CNTNAP2: variants seen among roughly 807,000 people sequenced by gnomAD.
CNTNAP2 encodes the protein contactin associated protein 2.
Under a neutral mutation model 155.2 loss-of-function variants are expected in CNTNAP2, and 98 were observed. The ratio of observed to expected loss-of-function variants is 0.63; its 90% confidence interval spans 0.54 to 0.75. The LOEUF (loss-of-function observed/expected upper bound fraction) is 0.75. Among genes scored for constraint, CNTNAP2 ranks in the 30% least tolerant of loss-of-function variants. The pLI is 0.00. For missense variants in CNTNAP2, 1,727 were observed against 1,688.1 expected, an observed-to-expected ratio of 1.02 and a Z score of -0.40; for synonymous variants, 651 against 631.2, an observed-to-expected ratio of 1.03 and a Z score of -0.47.
In CNTNAP2 at chr7:146,605,086, A is replaced by AT. The variant is rs1563153541; in HGVS notation, c.98-169185_98-169184insT. On this transcript the variant is annotated intron_variant, in intron 1 of 23. Transcript: ENST00000361727. ...ACTTAAAGTATAATAAAAAAAAACA[A>AT]CAAAAAAAAAAAGAAAAAAAAATAC... 3.5e-3 allele frequency among the ~76,000 whole-genome samples: 431 copies of AT among 122,498 alleles called. 14 individuals are homozygous for AT. The highest frequency in any genetic ancestry group is 4.2e-3 in the Non-Finnish European group (256 of 60,428). 80.4% of individuals were successfully genotyped at this position (122,498 alleles called of 152,430 possible).
At chr7:147,633,376 G>C (rs1394271055) in intron 12 of CNTNAP2, among the ~76,000 whole-genome samples, 1 of 152,198 alleles carries the variant, frequency 6.6e-6, no homozygotes, top group African/African-American at 2.4e-5. Context: ...AGCTCTCATA[G>C]AGATCCTCTG....
intron 13 of CNTNAP2, among the ~76,000 whole-genome samples, chr7:147,829,467 A>G (rs530504211): frequency 2.0e-5 from 3 of 152,328 alleles, no homozygotes; most frequent in East Asian, 3.9e-4. Context: ...TGATCATAAT[A>G]GCTCTCCATA....
At chr7:147,590,026 T>A (rs1435591273) in intron 12 of CNTNAP2, among the ~76,000 whole-genome samples, 1 of 152,176 alleles carries the variant, frequency 6.6e-6, no homozygotes, top group African/African-American at 2.4e-5. Flanking sequence ...ACTCTGTCAT[T>A]GTAGGTAAAA....
chr7:147,578,106 A>C (rs1484760692), intron 12 of CNTNAP2, among the ~76,000 whole-genome samples: 1 of 152,112 alleles, frequency 6.6e-6, no homozygotes. Context: ...AGAAAGTTTC[A>C]TAGATGCTGC....
chr7:146,299,069 C>T (rs1274071180), intron 1 of CNTNAP2, among the ~76,000 whole-genome samples: 5 of 151,492 alleles, frequency 3.3e-5, no homozygotes, highest in East Asian at 2.0e-4. Context: ...GTCAGGAGCT[C>T]GAGACCAGCC....
intron 3 of CNTNAP2, among the ~76,000 whole-genome samples, chr7:146,927,865 A>G (rs1796639195): frequency 6.6e-6 from 1 of 151,708 alleles, no homozygotes; most frequent in Non-Finnish European, 1.5e-5. Flanking sequence ...GGACATATCT[A>G]TATCTCTTTA....
intron 1 of CNTNAP2, among the ~76,000 whole-genome samples, chr7:146,128,173 T>C (rs1797664007): frequency 6.6e-6 from 1 of 152,182 alleles, no homozygotes; most frequent in African/African-American, 2.4e-5. Context: ...GAGCCTGTAT[T>C]TTTTCCCTTA....
At chr7:147,000,490 C>T (rs1282875987) in intron 3 of CNTNAP2, among the ~76,000 whole-genome samples, 1 of 152,038 alleles carries the variant, frequency 6.6e-6, no homozygotes, top group Non-Finnish European at 1.5e-5. Flanking sequence ...GAAGTAGATA[C>T]TTATTCCAGT....
chr7:148,293,908 T>C (rs1179566033), intron 21 of CNTNAP2, among the ~76,000 whole-genome samples: 1 of 151,516 alleles, frequency 6.6e-6, no homozygotes, highest in East Asian at 1.9e-4. Flanking sequence ...GGTGGCGCAT[T>C]ACTATAATCG....
At chr7:147,762,844 T>C (rs1187711431) in intron 13 of CNTNAP2, among the ~76,000 whole-genome samples, 1 of 151,742 alleles carries the variant, frequency 6.6e-6, no homozygotes, top group African/African-American at 2.4e-5. Flanking sequence ...GCCTCTTGAA[T>C]TTTTCTAGTC....
chr7:147,461,325 G>GA (rs1187512076), intron 10 of CNTNAP2, among the ~76,000 whole-genome samples: 2 of 151,710 alleles, frequency 1.3e-5, no homozygotes, highest in African/African-American at 4.8e-5. Flanking sequence ...GAAATGCTGA[G>GA]AAAAAAAATG....
intron 1 of CNTNAP2, among the ~76,000 whole-genome samples, chr7:146,756,346 A>C (rs192273401): frequency 6.6e-6 from 1 of 152,120 alleles, no homozygotes; most frequent in Non-Finnish European, 1.5e-5. Flanking sequence ...GTGTCATTTC[A>C]TTGAACTCTC....
chr7:146,711,098 C>T (rs1479417610), intron 1 of CNTNAP2, among the ~76,000 whole-genome samples: 1 of 151,334 alleles, frequency 6.6e-6, no homozygotes, highest in African/African-American at 2.4e-5. Context: ...CATTTTTCTC[C>T]TGTATATGCA....
chr7:147,650,211 GA>G (rs1334021194), intron 13 of CNTNAP2, among the ~76,000 whole-genome samples: 1 of 151,944 alleles, frequency 6.6e-6, no homozygotes, highest in Non-Finnish European at 1.5e-5. Flanking sequence ...ACAAGATACT[GA>G]AAAAAAGCAT....
At chr7:146,170,398 A>G (rs773817746) in intron 1 of CNTNAP2, among the ~76,000 whole-genome samples, 1 of 152,106 alleles carries the variant, frequency 6.6e-6, no homozygotes, top group Non-Finnish European at 1.5e-5. Context: ...ATTCCAACCG[A>G]AGGGCACAAG....
At chr7:147,474,071 C>A (rs922002941) in intron 10 of CNTNAP2, among the ~76,000 whole-genome samples, 1 of 151,362 alleles carries the variant, frequency 6.6e-6, no homozygotes, top group African/African-American at 2.4e-5. Context: ...AAGTACGAAA[C>A]TCCGTCTCTA....
chr7:147,000,857 G>T (rs1317606733), intron 3 of CNTNAP2, among the ~76,000 whole-genome samples: 1 of 152,144 alleles, frequency 6.6e-6, no homozygotes, highest in Non-Finnish European at 1.5e-5. Context: ...GGCTGCTATA[G>T]TTGGCCAGTA....
At chr7:146,821,108 C>G (rs1270216599) in intron 2 of CNTNAP2, among the ~76,000 whole-genome samples, 2 of 152,172 alleles carry the variant, frequency 1.3e-5, no homozygotes, top group Non-Finnish European at 2.9e-5. Flanking sequence ...TGGGTCTTGA[C>G]TCTTTATCCA....
At chr7:147,849,525 C>G (rs12532478) in intron 13 of CNTNAP2, among the ~76,000 whole-genome samples, 6,731 of 152,270 alleles carry the variant, frequency 0.044, 271 homozygotes, top group Admixed American at 0.12. Flanking sequence ...AATACCTATG[C>G]AGCATTATCA....
Sources: allele counts gnomAD v4.1 joint callset (sites outside exome capture counted in the v4.1 genomes callset), GRCh38; gene constraint gnomAD v4.1.1; transcripts MANE v1.5; gene names NCBI Gene and HGNC (gene_info 2026-07-23, HGNC 2026-07-21).